The following NPAS3 variants were observed in gnomAD, a reference collection of about 807,000 sequenced individuals.
The protein encoded by NPAS3 is neuronal PAS domain-containing protein 3.
A neutral mutation model predicts 73.1 loss-of-function variants in NPAS3; 14 were observed. The ratio of observed to expected loss-of-function variants is 0.19; its 90% CI spans 0.13 to 0.30. NPAS3 has a LOEUF of 0.30. NPAS3 is among the 10% of genes least tolerant of loss of function. NPAS3 has a pLI of 1.00. For synonymous variants in NPAS3, 620 were observed against 541.5 expected, an observed-to-expected ratio of 1.14 and a Z score of -2.01; for missense variants, 1,096 against 1,250.0, an observed-to-expected ratio of 0.88 and a Z score of 1.86.
intron 3 of NPAS3, among the ~76,000 whole-genome samples, chr14:33,281,208 T>G (rs2041590035): frequency 6.6e-6 from 1 of 152,236 alleles, no homozygotes. Flanking sequence ...GCAAAGACCT[T>G]CACTCGACAT....
chr14:33,395,593 G>A (rs1357304149), intron 4 of NPAS3, among the ~76,000 whole-genome samples: 1 of 151,830 alleles, frequency 6.6e-6, no homozygotes, highest in Non-Finnish European at 1.5e-5. Flanking sequence ...TATATATTAT[G>A]TATATGTACA....
rs371650060 is a variant in NPAS3 at position 33,663,001 on chromosome 14, A to ATAGACAATC, written c.559-13209_559-13201dup. On this transcript the variant is annotated intron_variant, in intron 5 of 11. Coordinates refer to ENST00000356141, the Ensembl canonical transcript of NPAS3. ...TCAGCCTCCTGAGTGGGTTTTCTAA[A>ATAGACAATC]TAGACAATCATGTCATCTGCAAACA... Among the ~76,000 whole-genome samples, 470 of 151,240 alleles carry ATAGACAATC rather than the reference A, an allele frequency of 3.1e-3. 4 individuals are homozygous for ATAGACAATC. The highest frequency in any genetic ancestry group is 0.011 in the African/African-American group (434 of 41,208).
chr14:33,415,526 A>T (rs1439849629), intron 4 of NPAS3, among the ~76,000 whole-genome samples: 1 of 152,116 alleles, frequency 6.6e-6, no homozygotes, highest in African/African-American at 2.4e-5. Flanking sequence ...TTCTCCCAGT[A>T]GTTGGTATGT....
chr14:32,976,135 G>C (rs537723865), intron 1 of NPAS3, among the ~76,000 whole-genome samples: 2 of 152,244 alleles, frequency 1.3e-5, no homozygotes, highest in Admixed American at 1.3e-4. Flanking sequence ...CAAGAGTGGA[G>C]ATTGGGAATC....
At chr14:33,596,709 A>G (rs982963335) in intron 5 of NPAS3, among the ~76,000 whole-genome samples, 1 of 152,208 alleles carries the variant, frequency 6.6e-6, no homozygotes, top group Admixed American at 6.5e-5. Flanking sequence ...GGAGAACACC[A>G]CTGCTGTTTC....
rs142270927 is a variant in NPAS3 at position 33,078,670 on chromosome 14, C to A, written c.140+22676C>A. 3.9e-5 allele frequency among the ~76,000 whole-genome samples: 6 copies of A among 152,158 alleles called. No individual in the cohort carries two copies. In the East Asian group the frequency reaches 1.2e-3, roughly 29 times the overall value. On this transcript the variant is annotated intron_variant, in intron 2 of 11. Transcript: ENST00000356141. ...GCATTTTTCTCTTAGAATGAAATAA[C>A]CTTAGAGTAACACAATTGATGTAAT... is the stretch of plus-strand genomic sequence containing the variant.
At chr14:33,110,114 T>A (rs2042844664) in intron 2 of NPAS3, among the ~76,000 whole-genome samples, 1 of 152,096 alleles carries the variant, frequency 6.6e-6, no homozygotes, top group African/African-American at 2.4e-5. Flanking sequence ...AAATTCAGTT[T>A]AACAGAAATG....
At chr14:33,248,317 G>C (rs904714462) in intron 3 of NPAS3, among the ~76,000 whole-genome samples, 1 of 152,062 alleles carries the variant, frequency 6.6e-6, no homozygotes, top group Non-Finnish European at 1.5e-5. Flanking sequence ...AATTCTTACC[G>C]GTATGTTAAA....
Position 33,537,870 on chromosome 14 carries a change from T to C in NPAS3, c.469-22251T>C, listed in dbSNP as rs1957318. Among the ~76,000 whole-genome samples, 410 of 152,232 alleles carry C rather than the reference T, an allele frequency of 2.7e-3. 1 individual carries two copies. The highest frequency in any genetic ancestry group is 0.01 in the Middle Eastern group (3 of 294). The stretch of plus-strand genomic sequence containing the variant: ...GGGGAGCCTGGGGGCTTAAGGGCCT[T>C]ATGGAGCACAGAGCACTGCTCGCCT... On this transcript the variant is annotated intron_variant, in intron 4 of 11. Transcript: ENST00000356141.
intron 9 of NPAS3, among the ~76,000 whole-genome samples, chr14:33,784,622 C>G (rs1317821142): frequency 6.6e-6 from 1 of 151,882 alleles, no homozygotes; most frequent in Non-Finnish European, 1.5e-5. Context: ...CAAGCCAGAA[C>G]TTTGATTTGA....
At chr14:33,655,929 G>A (rs1294899802) in intron 5 of NPAS3, among the ~76,000 whole-genome samples, 1 of 152,048 alleles carries the variant, frequency 6.6e-6, no homozygotes, top group African/African-American at 2.4e-5. Context: ...TTCACTCTGA[G>A]CAGAAATAAA....
At chr14:33,282,033 T>C (rs1388439641) in intron 3 of NPAS3, among the ~76,000 whole-genome samples, 14 of 152,172 alleles carry the variant, frequency 9.2e-5, no homozygotes, top group Admixed American at 9.2e-4. Context: ...GTGTCCCCAG[T>C]AGCTGTATAT....
At chr14:33,503,754 G>T (rs772503392) in intron 4 of NPAS3, among the ~76,000 whole-genome samples, 8 of 151,914 alleles carry the variant, frequency 5.3e-5, no homozygotes, top group Non-Finnish European at 1.0e-4. Flanking sequence ...TGAAGGGAAA[G>T]CTGAAGGAAG....
chr14:33,545,139 G>T (rs1000886575), intron 4 of NPAS3, among the ~76,000 whole-genome samples: 30 of 151,702 alleles, frequency 2.0e-4, no homozygotes, highest in African/African-American at 7.0e-4. Context: ...TTTTTGAGTT[G>T]TAAAGGGAAA....
At chr14:33,493,928 G>T (rs940167252) in intron 4 of NPAS3, among the ~76,000 whole-genome samples, 2 of 152,114 alleles carry the variant, frequency 1.3e-5, no homozygotes, top group African/African-American at 4.8e-5. Flanking sequence ...AATTTTAAAT[G>T]ACTGGGTTTT....
chr14:33,101,067 G>T (rs2042562583), intron 2 of NPAS3, among the ~76,000 whole-genome samples: 1 of 151,858 alleles, frequency 6.6e-6, no homozygotes, highest in Non-Finnish European at 1.5e-5. Context: ...CAGAAGGATG[G>T]GACTAGTTCT....
At chr14:33,033,049 A>T (rs1373994639) in intron 1 of NPAS3, among the ~76,000 whole-genome samples, 1 of 152,216 alleles carries the variant, frequency 6.6e-6, no homozygotes, top group African/African-American at 2.4e-5. Flanking sequence ...AAATCAAATA[A>T]TAACTCTAAG....
chr14:33,489,113 T>C (rs1442882910), intron 4 of NPAS3, among the ~76,000 whole-genome samples: 2 of 152,220 alleles, frequency 1.3e-5, no homozygotes, highest in Non-Finnish European at 2.9e-5. Flanking sequence ...CTTTGATAGT[T>C]ATCTGATGTG....
chr14:33,170,484 C>G (rs1208473008), intron 2 of NPAS3, among the ~76,000 whole-genome samples: 1 of 152,086 alleles, frequency 6.6e-6, no homozygotes, highest in Non-Finnish European at 1.5e-5. Context: ...GAAGTGTTCC[C>G]CATTGATTGA....
Sources: gnomAD v4.1 joint callset for allele counts (sites outside exome capture counted in the v4.1 genomes callset) on GRCh38, gnomAD v4.1.1 for gene constraint, MANE v1.5 for transcripts, NCBI Gene and HGNC (gene_info 2026-07-23, HGNC 2026-07-21) for gene names.